EPB41L2: variants seen among roughly 807,000 people sequenced by gnomAD.
The protein encoded by EPB41L2 is erythrocyte membrane protein band 4.1 like 2.
Under a neutral mutation model 113.0 loss-of-function variants are expected in EPB41L2, and 43 were observed. The observed-to-expected ratio is 0.38, with a 90% CI of 0.30 to 0.49. The LOEUF is 0.49. EPB41L2 is among the 20% of genes least tolerant of loss of function. The pLI is 0.95. For missense variants in EPB41L2, 1,147 were observed against 1,223.4 expected (o/e 0.94, Z 0.93); for synonymous variants, 442 against 436.7 (o/e 1.01, Z -0.15).
At chr6:130,916,104 A>C (rs1411613407) in intron 4 of EPB41L2, among the ~76,000 whole-genome samples, 1 of 152,214 alleles carries the variant, frequency 6.6e-6, no homozygotes, top group Non-Finnish European at 1.5e-5. Context: ...CACTGTTCTG[A>C]GAAGCAGCCT....
intron 19 of EPB41L2, among the ~76,000 whole-genome samples, chr6:130,842,786 A>T (rs941706018): frequency 7.2e-5 from 11 of 152,360 alleles, no homozygotes; most frequent in African/African-American, 2.6e-4. Context: ...TGATCTCAAA[A>T]AACTTCAACA....
chr6:130,937,004 T>C (rs1452151291), intron 3 of EPB41L2, among the ~76,000 whole-genome samples: 3 of 152,200 alleles, frequency 2.0e-5, no homozygotes, highest in Admixed American at 6.5e-5. Context: ...CGCAGCAAAA[T>C]TGCGCATAAG....
chr6:130,912,913 T>C (rs1401019260), intron 4 of EPB41L2, among the ~76,000 whole-genome samples: 2 of 152,028 alleles, frequency 1.3e-5, no homozygotes, highest in South Asian at 2.1e-4. Flanking sequence ...GTCCCCAGAA[T>C]ATTAACACAG....
intron 1 of EPB41L2, among the ~76,000 whole-genome samples, chr6:131,057,686 T>C (rs770434764): frequency 2.6e-5 from 4 of 152,138 alleles, no homozygotes; most frequent in Non-Finnish European, 4.4e-5. Context: ...ACCACAATTA[T>C]CCTGGAAAAA....
chr6:130,892,403 C>CTTTTTTTTTTTTTTTTTTTTTTTT lies in EPB41L2; in HGVS notation c.1488-1938_1488-1937insAAAAAAAAAAAAAAAAAAAAAAAA, dbSNP rs60350565. 1.9e-4 allele frequency among the ~76,000 whole-genome samples: 18 copies of CTTTTTTTTTTTTTTTTTTTTTTTT among 92,624 alleles called. 2 individuals carry two copies. The highest frequency in any genetic ancestry group is 3.6e-4 in the Non-Finnish European group (15 of 41,484). The allele number at this position is 92,624 out of a possible 152,430, so 60.8% of individuals were successfully genotyped here. On this transcript the variant is annotated intron_variant, in intron 10 of 19. Coordinates refer to ENST00000337057, the MANE Select transcript of EPB41L2 (RefSeq NM_001431.4). ...CTTGCCATTTCTGAACAGATTATTGCTTTTTTTTTTTTTTTTTTTATCATT... is the reference window on the plus strand; with the variant it reads ...CTTGCCATTTCTGAACAGATTATTGCTTTTTTTTTTTTTTTTTTTTTTTTTTTTTTTTTTTTTTTTTTTATCATT...
In EPB41L2 at chr6:130,872,259, A is replaced by G. The variant is rs922678909; in HGVS notation, c.2044-2133T>C. ...TTTCTTGAATGTTTCTCCCAGGAAG[A>G]ATTAATTTCACCAATGAAAGCACTG... is the stretch of plus-strand genomic sequence containing the variant. On this transcript the variant is annotated intron_variant, in intron 14 of 19. Coordinates refer to ENST00000337057, the MANE Select transcript of EPB41L2 (RefSeq NM_001431.4). 5.1e-6 allele frequency: 4 copies of G among 791,302 alleles called. No individual in the cohort carries two copies. In the African/African-American group the frequency reaches 7.3e-5, roughly 15 times the overall value. 49.0% of individuals were successfully genotyped at this position (791,302 alleles called of 1,614,324 possible).
At chr6:130,862,020 C>A (rs1782278461) in intron 18 of EPB41L2, among the ~76,000 whole-genome samples, 1 of 152,148 alleles carries the variant, frequency 6.6e-6, no homozygotes, top group African/African-American at 2.4e-5. Context: ...CTTGCAACAG[C>A]AGCAGTTAAG....
chr6:131,035,527 A>C (rs539522747), intron 1 of EPB41L2, among the ~76,000 whole-genome samples: 7 of 152,310 alleles, frequency 4.6e-5, no homozygotes, highest in Admixed American at 3.9e-4. Context: ...GAAGTCAATA[A>C]ATATTTACTG....
At chr6:130,990,742 C>T (rs779803046) in intron 1 of EPB41L2, among the ~76,000 whole-genome samples, 8 of 151,824 alleles carry the variant, frequency 5.3e-5, no homozygotes, top group Non-Finnish European at 1.2e-4. Flanking sequence ...CATAATAATA[C>T]GAATGAGTAT....
intron 1 of EPB41L2, among the ~76,000 whole-genome samples, chr6:130,999,889 A>G (rs1783997624): frequency 6.6e-6 from 1 of 152,194 alleles, no homozygotes; most frequent in South Asian, 2.1e-4. Flanking sequence ...AAAGGCAGAA[A>G]CCTAACCTCC....
At chr6:130,887,386 T>C (rs1412360810) in intron 11 of EPB41L2, among the ~76,000 whole-genome samples, 1 of 152,148 alleles carries the variant, frequency 6.6e-6, no homozygotes, top group Admixed American at 6.5e-5. Context: ...CTCAATCTAA[T>C]TGTTCTCTTG....
intron 16 of EPB41L2, 142 bp downstream of exon 16, chr6:130,867,317 T>C (rs1000925860): frequency 9.4e-7 from 1 of 1,061,414 alleles, no homozygotes; most frequent in African/African-American, 1.6e-5. Flanking sequence ...GCAAATTATG[T>C]TGTTGAAGTA....
chr6:130,906,733 GAAAAAT>G (rs949850726), intron 5 of EPB41L2, among the ~76,000 whole-genome samples: 2 of 152,142 alleles, frequency 1.3e-5, no homozygotes, highest in Non-Finnish European at 2.9e-5. Context: ...CCTATGAGCT[GAAAAAT>G]AAAAATAAAA....
intron 1 of EPB41L2, among the ~76,000 whole-genome samples, chr6:130,999,651 G>A (rs1783929123): frequency 6.6e-6 from 1 of 152,064 alleles, no homozygotes; most frequent in Non-Finnish European, 1.5e-5. Flanking sequence ...CTTCAAAAAG[G>A]TATCAAATTC....
intron 11 of EPB41L2, 119 bp downstream of exon 11, chr6:130,890,175 A>C: frequency 2.0e-6 from 2 of 1,018,506 alleles, no homozygotes; most frequent in Non-Finnish European, 2.7e-6. Flanking sequence ...TTTACTCGGG[A>C]AAAAATGGCT....
intron 1 of EPB41L2, among the ~76,000 whole-genome samples, chr6:130,972,134 G>C (rs764555904): frequency 2.0e-5 from 3 of 152,044 alleles, no homozygotes; most frequent in Non-Finnish European, 4.4e-5. Flanking sequence ...GACCAGCCTG[G>C]CCAACATGGC....
chr6:130,845,482 A>T (rs1026664498), intron 19 of EPB41L2, among the ~76,000 whole-genome samples: 7 of 152,072 alleles, frequency 4.6e-5, no homozygotes, highest in African/African-American at 1.7e-4. Flanking sequence ...GACTCAAGGG[A>T]TCCTCCTGCC....
At chr6:130,910,209 C>T (rs1381852912) in intron 4 of EPB41L2, among the ~76,000 whole-genome samples, 1 of 152,098 alleles carries the variant, frequency 6.6e-6, no homozygotes, top group Non-Finnish European at 1.5e-5. Context: ...GAACAGATGC[C>T]TCAGAAATAA....
chr6:130,854,873 C>T (rs1451086236), intron 19 of EPB41L2, among the ~76,000 whole-genome samples: 1 of 152,100 alleles, frequency 6.6e-6, no homozygotes, highest in Non-Finnish European at 1.5e-5. Flanking sequence ...TTAGCCTTCC[C>T]TATTTAAAAC....
Sources: gnomAD v4.1 joint callset for allele counts (sites outside exome capture counted in the v4.1 genomes callset) on GRCh38, gnomAD v4.1.1 for gene constraint, MANE v1.5 for transcripts, NCBI Gene and HGNC (gene_info 2026-07-23, HGNC 2026-07-21) for gene names.